FTO: variants seen among roughly 807,000 people sequenced by gnomAD.
FTO encodes FTO alpha-ketoglutarate dependent dioxygenase.
A neutral mutation model predicts 63.9 loss-of-function variants in FTO; 47 were observed. That is an observed-to-expected ratio of 0.74 (90% CI 0.58 to 0.94). The LOEUF is 0.94. Ranked by LOEUF, FTO falls within the 40% of genes least tolerant of loss-of-function variation. The probability of loss-of-function intolerance (pLI) is 0.00; values close to 1 mark genes in which losing one functional copy is unlikely to be tolerated. For missense variants in FTO, 562 were observed against 618.1 expected (o/e 0.91, Z 0.96); for synonymous variants, 207 against 224.4 (o/e 0.92, Z 0.69).
rs370723381 is a variant in FTO, at chr16:53,852,007, C to T, written c.895+7709C>T. Among the ~76,000 whole-genome samples the T allele has an allele frequency of 2.7e-5, 4 of 147,546 alleles. No individual in the cohort carries two copies. In the East Asian group the frequency reaches 6.1e-4, roughly 22 times the overall value. ...ACTTTAAGCATTCTTGGTTGTTGATCAGTTAAGAATGACAGAAACAGGCAG... is the reference window on the plus strand; with the variant it reads ...ACTTTAAGCATTCTTGGTTGTTGATTAGTTAAGAATGACAGAAACAGGCAG... On this transcript the variant is annotated intron_variant, in intron 4 of 8. Coordinates refer to ENST00000471389, the MANE Select transcript of FTO (RefSeq NM_001080432.3).
chr16:53,914,201 CT>C (rs775038929), intron 7 of FTO, among the ~76,000 whole-genome samples: 102 of 151,846 alleles, frequency 6.7e-4, no homozygotes, highest in Admixed American at 1.5e-3. Flanking sequence ...ATTTCTGTTT[CT>C]TTTAAAACCA....
intron 8 of FTO, among the ~76,000 whole-genome samples, chr16:53,966,535 A>G (rs1228220310): frequency 1.3e-5 from 2 of 152,212 alleles, no homozygotes; most frequent in Admixed American, 6.5e-5. Flanking sequence ...TCAGTCTACA[A>G]CATTTTAATT....
chr16:53,773,120 C>T (rs1430924509), intron 1 of FTO, among the ~76,000 whole-genome samples: 2 of 149,788 alleles, frequency 1.3e-5, no homozygotes, highest in African/African-American at 2.5e-5. Context: ...GTTCATATTG[C>T]GATATACCTA....
intron 1 of FTO, among the ~76,000 whole-genome samples, chr16:53,788,757 G>C (rs1014803361): frequency 6.6e-6 from 1 of 152,050 alleles, no homozygotes; most frequent in Non-Finnish European, 1.5e-5. Context: ...TTACCTCAGC[G>C]GGGGTAGGGA....
chr16:53,888,771 T>C lies in FTO; in HGVS notation c.1120-61T>C, dbSNP rs1216945745. 4 of 1,588,144 alleles carry C rather than the reference T, an allele frequency of 2.5e-6. No homozygotes were observed. In the East Asian group the frequency reaches 8.9e-5, roughly 35 times the overall value. Reference sequence around the variant, plus strand: ...GGAGGAGAATTAAGAGACGAAGTCATTGTCCTCGCTTGTCTATCACAAGGG... The same window carrying C: ...GGAGGAGAATTAAGAGACGAAGTCACTGTCCTCGCTTGTCTATCACAAGGG... On this transcript the variant is annotated intron_variant, in intron 6 of 8. Transcript: ENST00000471389.
chr16:53,774,842 A>G (rs971491631), intron 1 of FTO, among the ~76,000 whole-genome samples: 7 of 152,176 alleles, frequency 4.6e-5, no homozygotes, highest in African/African-American at 1.4e-4. Context: ...ACACACAACC[A>G]TAGTTGTAGT....
At chr16:54,007,840 A>G (rs1325599118) in intron 8 of FTO, among the ~76,000 whole-genome samples, 1 of 152,268 alleles carries the variant, frequency 6.6e-6, no homozygotes, top group African/African-American at 2.4e-5. Context: ...GCTTTATTTT[A>G]AATTACTCTA....
rs529796719 is a variant in FTO, at chr16:54,063,481, A to G, written c.1365-48281A>G. ...ACGTTTTACAGTTTTGAAATCTGTT[A>G]CTGTTATTATGCAGAATAGATCATC... On this transcript the variant is annotated intron_variant, in intron 8 of 8. Coordinates refer to ENST00000471389, the MANE Select transcript of FTO (RefSeq NM_001080432.3). 4.6e-5 allele frequency among the ~76,000 whole-genome samples: 7 copies of G among 152,308 alleles called. No homozygotes were observed. The South Asian group carries it at 1.2e-3, about 27-fold the overall frequency.
intron 7 of FTO, among the ~76,000 whole-genome samples, chr16:53,926,810 A>G (rs569178983): frequency 1.9e-4 from 29 of 152,252 alleles, no homozygotes; most frequent in Admixed American, 1.8e-3. Context: ...CAGGACCTGT[A>G]TCAAAAGGGT....
At chr16:53,737,412 T>C (rs565535080) in intron 1 of FTO, among the ~76,000 whole-genome samples, 5 of 152,220 alleles carry the variant, frequency 3.3e-5, no homozygotes, top group Non-Finnish European at 7.3e-5. Flanking sequence ...ACTGCATCAG[T>C]ACAGTTGCTG....
chr16:53,774,185 C>A (rs1200663760), intron 1 of FTO, among the ~76,000 whole-genome samples: 1 of 152,264 alleles, frequency 6.6e-6, no homozygotes, highest in Admixed American at 6.5e-5. Flanking sequence ...AACTTACCCT[C>A]TATGACCTTA....
At chr16:53,986,233 C>T (rs1125392) in intron 8 of FTO, among the ~76,000 whole-genome samples, 84,771 of 152,036 alleles carry the variant, frequency 0.56, 24,022 homozygotes, top group East Asian at 0.73. Flanking sequence ...CTGAAATTCA[C>T]TGTAGTTAAA....
chr16:53,717,156 AAGG>A (rs2049285084), intron 1 of FTO, among the ~76,000 whole-genome samples: 1 of 152,044 alleles, frequency 6.6e-6, no homozygotes, highest in African/African-American at 2.4e-5. Context: ...GGTAAATTAA[AAGG>A]AGAATTGTAT....
intron 8 of FTO, among the ~76,000 whole-genome samples, chr16:54,058,070 A>G (rs2085479750): frequency 6.6e-6 from 1 of 152,026 alleles, no homozygotes; most frequent in Non-Finnish European, 1.5e-5. Context: ...ATAGGGCCTG[A>G]AGGTGGGTGA....
At position 53,938,792 on chromosome 16, in the gene FTO, T is replaced by C. The variant is rs76542015; in HGVS notation, c.1364+4683T>C. ...GTCTTGGAAGACTAGAATTGTTGTGTTACTGAAAACCCTTTGGCTGGGCAT... is the reference window on the plus strand; with the variant it reads ...GTCTTGGAAGACTAGAATTGTTGTGCTACTGAAAACCCTTTGGCTGGGCAT... On this transcript the variant is annotated intron_variant, in intron 8 of 8. Coordinates refer to ENST00000471389, the MANE Select transcript of FTO (RefSeq NM_001080432.3). Among the ~76,000 whole-genome samples the C allele has an allele frequency of 4.8e-3, 723 of 152,180 alleles. 5 individuals carry two copies. The highest frequency in any genetic ancestry group is 0.016 in the African/African-American group (664 of 41,538).
At chr16:53,818,786 G>T (rs1447580240) in intron 2 of FTO, among the ~76,000 whole-genome samples, 1 of 151,286 alleles carries the variant, frequency 6.6e-6, no homozygotes, top group Non-Finnish European at 1.5e-5. Context: ...AGTTAAGTTT[G>T]TTACTTTAAT....
intron 1 of FTO, among the ~76,000 whole-genome samples, chr16:53,771,373 T>C (rs1007978673): frequency 5.9e-5 from 9 of 152,088 alleles, no homozygotes; most frequent in Admixed American, 3.3e-4. Context: ...ATATTCAGAA[T>C]CCAACCACTT....
At chr16:54,103,973 T>A (rs2086692918) in intron 8 of FTO, among the ~76,000 whole-genome samples, 1 of 152,052 alleles carries the variant, frequency 6.6e-6, no homozygotes. Flanking sequence ...ATCATGGAGG[T>A]GAGAATTATA....
intron 1 of FTO, among the ~76,000 whole-genome samples, chr16:53,779,694 A>T (rs2077541577): frequency 6.6e-6 from 1 of 152,208 alleles, no homozygotes; most frequent in Non-Finnish European, 1.5e-5. Context: ...GTCAGCTTTT[A>T]GTGTAACTCA....
Sources: allele counts gnomAD v4.1 joint callset (sites outside exome capture counted in the v4.1 genomes callset), GRCh38; gene constraint gnomAD v4.1.1; transcripts MANE v1.5; gene names NCBI Gene and HGNC (gene_info 2026-07-23, HGNC 2026-07-21).